Variants in DGKB observed in about 807,000 individuals in gnomAD.
The protein encoded by DGKB is 90 kDa diacylglycerol kinase.
In DGKB, 67 loss-of-function variants were observed where a neutral mutation model predicts 114.3. The observed-to-expected ratio is 0.59, with a 90% CI of 0.48 to 0.72. The LOEUF is 0.72. Among genes scored for constraint, DGKB ranks in the 30% least tolerant of loss-of-function variants. The pLI, the probability that DGKB is intolerant of heterozygous loss-of-function variation, is 0.00. For missense variants in DGKB, 907 were observed against 975.2 expected, an observed-to-expected ratio of 0.93 and a Z score of 0.93; for synonymous variants, 398 against 323.1, an observed-to-expected ratio of 1.23 and a Z score of -2.49.
At chr7:14,964,516 G>C (rs528266467) in intron 1 of DGKB, among the ~76,000 whole-genome samples, 1 of 152,078 alleles carries the variant, frequency 6.6e-6, no homozygotes, top group South Asian at 2.1e-4. Flanking sequence ...AAATAAATAA[G>C]ATAAATGGAA....
At chr7:14,631,491 G>T (rs914827992) in intron 13 of DGKB, among the ~76,000 whole-genome samples, 1 of 151,958 alleles carries the variant, frequency 6.6e-6, no homozygotes, top group African/African-American at 2.4e-5. Flanking sequence ...TACTGTAGCT[G>T]CAGATTTCTA....
chr7:14,676,008 T>C (rs1310895633), intron 12 of DGKB, among the ~76,000 whole-genome samples: 1 of 151,976 alleles, frequency 6.6e-6, no homozygotes, highest in Non-Finnish European at 1.5e-5. Flanking sequence ...GAGGAAAAAA[T>C]ATACAATGTG....
intron 20 of DGKB, among the ~76,000 whole-genome samples, chr7:14,515,847 T>G (rs916050163): frequency 1.3e-5 from 2 of 152,174 alleles, no homozygotes; most frequent in African/African-American, 2.4e-5. Flanking sequence ...AAGAGTTAGA[T>G]TTTATTTATT....
At chr7:14,256,614 T>G (rs1487730010) in intron 23 of DGKB, among the ~76,000 whole-genome samples, 1 of 152,184 alleles carries the variant, frequency 6.6e-6, no homozygotes, top group African/African-American at 2.4e-5. Flanking sequence ...CAGGTTGTTA[T>G]GATAGTTAAT....
intron 19 of DGKB, among the ~76,000 whole-genome samples, chr7:14,580,340 A>G (rs1799743740): frequency 6.6e-6 from 1 of 152,174 alleles, no homozygotes; most frequent in African/African-American, 2.4e-5. Flanking sequence ...ATATGATTTT[A>G]TGTGCCACTA....
chr7:14,769,115 AAGAAAGAAAGAGAGAG>A (rs1210124795), intron 2 of DGKB, among the ~76,000 whole-genome samples: 1 of 124,968 alleles, frequency 8.0e-6, no homozygotes, highest in East Asian at 2.6e-4. Context: ...GAAAGAAAGA[AAGAAAGAAAGAGAGAG>A]AGAGAAAGAA....
Position 14,412,980 on chromosome 7 carries a change from C to CA in DGKB, c.1835+65180dup, listed in dbSNP as rs34787132. On this transcript the variant is annotated intron_variant, in intron 21 of 25. Transcript: ENST00000402815. ...CAGGTGACAGAGCAAGACTCCAGCT[C>CA]AAAAAAAAAAAAAAGTCAGTGAGAT... Among the ~76,000 whole-genome samples, 148 of 141,596 alleles carry CA rather than the reference C, an allele frequency of 1.0e-3. 1 individual carries two copies. Among genetic ancestry groups the CA allele is most frequent in the Admixed American group, 2.3e-3 (32 of 14,176 alleles). The allele number at this position is 141,596 out of a possible 152,430, so 92.9% of individuals were successfully genotyped here.
chr7:14,404,291 C>T (rs560153886), intron 21 of DGKB, among the ~76,000 whole-genome samples: 2 of 151,676 alleles, frequency 1.3e-5, no homozygotes, highest in African/African-American at 4.8e-5. Context: ...ATGCAATGCC[C>T]TTTTATTTCT....
chr7:14,706,334 C>G lies in DGKB; in HGVS notation c.467-4604G>C, dbSNP rs1372384736. Among the ~76,000 whole-genome samples the G allele has an allele frequency of 6.3e-5, 9 of 141,766 alleles. No individual in the cohort carries two copies. In the Admixed American group the frequency reaches 6.4e-4, roughly 10 times the overall value. The allele number at this position is 141,766 out of a possible 152,430, so 93.0% of individuals were successfully genotyped here. A position where few individuals can be genotyped will look rare whatever the true frequency, so the allele number is the denominator to read the frequency against. Reference sequence around the variant, plus strand: ...CATAAAGCAAGTCCTGAGTGACCTACAAAGAGACTTAGACTCCCACACAAT... The same window carrying G: ...CATAAAGCAAGTCCTGAGTGACCTAGAAAGAGACTTAGACTCCCACACAAT... On this transcript the variant is annotated intron_variant, in intron 6 of 25. Coordinates refer to ENST00000402815, the MANE Select transcript of DGKB (RefSeq NM_001350709.2).
At chr7:14,595,967 C>T (rs1370544826) in intron 17 of DGKB, among the ~76,000 whole-genome samples, 1 of 152,028 alleles carries the variant, frequency 6.6e-6, no homozygotes, top group Non-Finnish European at 1.5e-5. Context: ...GACTTGCAGG[C>T]ATTTCAATTT....
intron 25 of DGKB, among the ~76,000 whole-genome samples, chr7:14,161,833 C>A (rs1433629115): frequency 2.6e-5 from 4 of 151,946 alleles, no homozygotes; most frequent in Non-Finnish European, 4.4e-5. Flanking sequence ...AAAAAAAAGT[C>A]TTTGAGTTTT....
At chr7:14,199,871 ATACT>A (rs572476835) in intron 23 of DGKB, among the ~76,000 whole-genome samples, 313 of 152,194 alleles carry the variant, frequency 2.1e-3, no homozygotes, top group African/African-American at 5.9e-3. Context: ...TATTTAGCAA[ATACT>A]TACTACAATG....
Position 14,685,291 on chromosome 7 carries a change from G to A in DGKB, c.783C>T (p.Cys261=). 1 of 1,613,816 alleles carries A rather than the reference G, an allele frequency of 6.2e-7. No individual in the cohort carries two copies. Among genetic ancestry groups the A allele is most frequent in the South Asian group, 1.1e-5 (1 of 91,070 alleles). ...TCCCCACGCCAATCAGCATGTTCAG[G>A]CAAAGGTTGCAATAGGCAGGTTTGT... ...HFNKPAYCNL[C]LNMLIGVGKQ... is the part of the protein sequence containing the mutation. Residue 261 remains cysteine, a synonymous_variant, in exon 10 of 26, where the codon TGC becomes TGT. Coordinates refer to ENST00000402815, the MANE Select transcript of DGKB (RefSeq NM_001350709.2).
intron 4 of DGKB, among the ~76,000 whole-genome samples, chr7:14,744,766 G>A (rs1363400646): frequency 6.6e-6 from 1 of 152,062 alleles, no homozygotes; most frequent in East Asian, 1.9e-4. Flanking sequence ...TGAGGACTGG[G>A]GAGATAAAAA....
chr7:14,154,585 A>G (rs1004587519), intron 25 of DGKB, among the ~76,000 whole-genome samples: 7 of 152,028 alleles, frequency 4.6e-5, no homozygotes, highest in African/African-American at 1.4e-4. Context: ...AATGTTAACT[A>G]TTAGTAATAG....
chr7:14,943,473 C>A (rs566038878), intron 1 of DGKB, among the ~76,000 whole-genome samples: 1 of 152,004 alleles, frequency 6.6e-6, no homozygotes, highest in Non-Finnish European at 1.5e-5. Context: ...TAAGCTTAAA[C>A]AGACAATTCT....
intron 21 of DGKB, among the ~76,000 whole-genome samples, chr7:14,465,347 A>G (rs1288872891): frequency 6.6e-6 from 1 of 152,204 alleles, no homozygotes; most frequent in African/African-American, 2.4e-5. Context: ...AAGAGTCTGC[A>G]GGTATGATCC....
intron 23 of DGKB, among the ~76,000 whole-genome samples, chr7:14,199,368 A>G (rs1347969053): frequency 3.9e-5 from 6 of 152,142 alleles, no homozygotes; most frequent in African/African-American, 1.4e-4. Flanking sequence ...AGAACAGCAA[A>G]TAAAAATGTC....
intron 21 of DGKB, 96 bp downstream of exon 21, chr7:14,478,065 G>T (rs960790356): frequency 2.7e-6 from 2 of 735,842 alleles, no homozygotes; most frequent in African/African-American, 1.8e-5. Context: ...GCCTCATAAA[G>T]CCAGTAGATT....
Sources: allele counts gnomAD v4.1 joint callset (sites outside exome capture counted in the v4.1 genomes callset), GRCh38; gene constraint gnomAD v4.1.1; transcripts MANE v1.5; gene names NCBI Gene and HGNC (gene_info 2026-07-23, HGNC 2026-07-21).